The following EPB41L2 variants were observed in gnomAD, a reference collection of about 807,000 sequenced individuals.
EPB41L2 encodes the protein erythrocyte membrane protein band 4.1 like 2.
In EPB41L2, 43 loss-of-function variants were observed where a neutral mutation model predicts 113.0. The observed-to-expected ratio is 0.38, with a 90% CI of 0.30 to 0.49. EPB41L2 has a LOEUF of 0.49. EPB41L2 is among the 20% of genes least tolerant of loss of function. The pLI is 0.95. For missense variants in EPB41L2, 1,147 were observed against 1,223.4 expected, an observed-to-expected ratio of 0.94 and a Z score of 0.93; for synonymous variants, 442 against 436.7, an observed-to-expected ratio of 1.01 and a Z score of -0.15.
intron 1 of EPB41L2, among the ~76,000 whole-genome samples, chr6:131,057,854 G>A (rs542156007): frequency 1.6e-4 from 24 of 152,312 alleles, no homozygotes; most frequent in Non-Finnish European, 3.4e-4. Context: ...AATAAGGTCC[G>A]ATAGATGAAC....
chr6:130,958,623 C>T (rs923382393), intron 1 of EPB41L2, among the ~76,000 whole-genome samples: 3 of 152,038 alleles, frequency 2.0e-5, no homozygotes, highest in African/African-American at 7.3e-5. Context: ...AGGTATGTGT[C>T]AGGCATAGGG....
intron 1 of EPB41L2, among the ~76,000 whole-genome samples, chr6:131,047,611 CACA>C (rs1795707855): frequency 2.0e-5 from 3 of 152,206 alleles, no homozygotes; most frequent in Non-Finnish European, 4.4e-5. Context: ...CAACAATTTA[CACA>C]ACGATTTCTA....
At chr6:131,006,777 G>C (rs1186057554) in intron 1 of EPB41L2, among the ~76,000 whole-genome samples, 2 of 151,782 alleles carry the variant, frequency 1.3e-5, no homozygotes, top group Non-Finnish European at 1.5e-5. Context: ...TCCTGCCCTA[G>C]ACCTATTACT....
chr6:131,014,352 G>A (rs749818240), intron 1 of EPB41L2, among the ~76,000 whole-genome samples: 12 of 152,110 alleles, frequency 7.9e-5, no homozygotes, highest in Non-Finnish European at 1.8e-4. Context: ...CAAAATTAAA[G>A]ATGACCCTTT....
chr6:130,872,607 G>T, intron 14 of EPB41L2: 2 of 1,066,914 alleles, frequency 1.9e-6, no homozygotes, highest in African/African-American at 1.7e-5. Context: ...TGACCTATTG[G>T]AAGAAAGGAA....
chr6:130,870,165 A>G (rs1181007151), intron 14 of EPB41L2, 39 bp from the exon 15 acceptor site: 3 of 1,566,268 alleles, frequency 1.9e-6, no homozygotes, highest in Non-Finnish European at 2.6e-6. Flanking sequence ...ACAAAAATAT[A>G]TGAATAAATA....
At chr6:131,028,511 G>A (rs2128748059) in intron 1 of EPB41L2, among the ~76,000 whole-genome samples, 1 of 152,214 alleles carries the variant, frequency 6.6e-6, no homozygotes, top group African/African-American at 2.4e-5. Context: ...TTACATATAT[G>A]ATAAATCATT....
intron 8 of EPB41L2, among the ~76,000 whole-genome samples, chr6:130,896,839 C>A (rs898980046): frequency 6.6e-6 from 1 of 152,134 alleles, no homozygotes; most frequent in East Asian, 1.9e-4. Flanking sequence ...TGGGGCAATG[C>A]ATGGAGATGG....
At chr6:130,878,292 G>T in intron 13 of EPB41L2, 42 bp from the exon 14 acceptor site, 1 of 1,546,226 alleles carries the variant, frequency 6.5e-7, no homozygotes, top group South Asian at 1.3e-5. Flanking sequence ...AAATCCAAAA[G>T]GAAAAAACCC....
At chr6:130,861,857 G>A (rs111824518) in intron 18 of EPB41L2, among the ~76,000 whole-genome samples, 14,116 of 143,042 alleles carry the variant, frequency 0.099, 886 homozygotes, top group Middle Eastern at 0.24. Context: ...GGGCACCAGA[G>A]GGAGACTCCA....
At position 130,907,777 on chromosome 6, in the gene EPB41L2, G is replaced by C. The variant is rs539331935; in HGVS notation, c.853+1044C>G. ...TGTGAAGAACCTAAAATGGGAGCTA[G>C]ATGGTAGATGAAAAGGGCAAGAAGG... On this transcript the variant is annotated intron_variant, in intron 5 of 19. Coordinates refer to ENST00000337057, the MANE Select transcript of EPB41L2 (RefSeq NM_001431.4). Among the ~76,000 whole-genome samples, 155 of 152,322 alleles carry C rather than the reference G, an allele frequency of 1.0e-3. 2 individuals are homozygous for C. In the Middle Eastern group the frequency reaches 0.01, roughly 10 times the overall value.
At chr6:130,958,820 G>C (rs1818385781) in intron 1 of EPB41L2, among the ~76,000 whole-genome samples, 1 of 152,218 alleles carries the variant, frequency 6.6e-6, no homozygotes, top group Non-Finnish European at 1.5e-5. Flanking sequence ...TTATTTTAAA[G>C]GCAATGTGGG....
chr6:130,902,129 C>T (rs1258463326), intron 6 of EPB41L2, among the ~76,000 whole-genome samples: 2 of 152,222 alleles, frequency 1.3e-5, no homozygotes, highest in Non-Finnish European at 2.9e-5. Flanking sequence ...CATGGATCCT[C>T]CCAAATCAAC....
intron 1 of EPB41L2, among the ~76,000 whole-genome samples, chr6:130,969,319 A>G (rs914849094): frequency 1.3e-5 from 2 of 152,202 alleles, no homozygotes; most frequent in Non-Finnish European, 2.9e-5. Flanking sequence ...CAGTGTCAAC[A>G]ATAAAAAAGG....
At chr6:130,928,713 G>C (rs1805661394) in intron 3 of EPB41L2, among the ~76,000 whole-genome samples, 1 of 152,192 alleles carries the variant, frequency 6.6e-6, no homozygotes. Context: ...AGTACATGAG[G>C]TATCAGCATG....
intron 1 of EPB41L2, among the ~76,000 whole-genome samples, chr6:131,050,387 G>A (rs918854936): frequency 6.6e-6 from 1 of 152,070 alleles, no homozygotes; most frequent in African/African-American, 2.4e-5. Context: ...ACATACTCTG[G>A]GGAAATACTT....
chr6:130,955,323 G>A lies in EPB41L2; in HGVS notation c.493-6C>T, dbSNP rs906209807. 2.5e-6 allele frequency: 4 copies of A among 1,573,228 alleles called. No individual in the cohort carries two copies. The South Asian group carries it at 4.5e-5, about 18-fold the overall frequency. ...TTACTTACTAATTCAGTAGGCTGTTGAGGAAAAAAAAATAAATTCATACTA... is the reference window on the plus strand; with the variant it reads ...TTACTTACTAATTCAGTAGGCTGTTAAGGAAAAAAAAATAAATTCATACTA... On this transcript the variant is annotated splice_polypyrimidine_tract_variant and splice_region_variant and intron_variant, in intron 2 of 19. Transcript: ENST00000337057.
intron 1 of EPB41L2, among the ~76,000 whole-genome samples, chr6:131,042,473 G>C (rs1361972277): frequency 2.0e-5 from 3 of 152,178 alleles, no homozygotes; most frequent in East Asian, 1.9e-4. Flanking sequence ...TGAGGAAATG[G>C]ATGGTATTAT....
At chr6:130,936,490 GTTTAA>G in intron 3 of EPB41L2, among the ~76,000 whole-genome samples, 1 of 152,182 alleles carries the variant, frequency 6.6e-6, no homozygotes. Flanking sequence ...ACTAAATAGG[GTTTAA>G]TTTTTCAGTC....
Sources: allele counts gnomAD v4.1 joint callset (sites outside exome capture counted in the v4.1 genomes callset), GRCh38; gene constraint gnomAD v4.1.1; transcripts MANE v1.5; gene names NCBI Gene and HGNC (gene_info 2026-07-23, HGNC 2026-07-21).